The following ME1 variants were observed in gnomAD, a reference collection of about 807,000 sequenced individuals.
ME1 encodes the protein malic enzyme 1.
Under a neutral mutation model 66.4 loss-of-function variants are expected in ME1, and 74 were observed. That is an observed-to-expected ratio of 1.11 (90% CI 0.92 to 1.35). ME1 has a LOEUF of 1.35. Among genes scored for constraint, ME1 ranks in the 40% most tolerant of loss-of-function variants. The pLI is 0.00. For synonymous variants in ME1, 251 were observed against 235.6 expected (o/e 1.07, Z -0.60); for missense variants, 750 against 694.1 (o/e 1.08, Z -0.90).
At chr6:83,311,976 C>G (rs1454754832) in intron 6 of ME1, among the ~76,000 whole-genome samples, 1 of 152,110 alleles carries the variant, frequency 6.6e-6, no homozygotes, top group Admixed American at 6.6e-5. Context: ...AGTGTAGCTG[C>G]CCCAATGAAG....
chr6:83,329,878 T>G (rs575552055), intron 5 of ME1, among the ~76,000 whole-genome samples: 1 of 152,224 alleles, frequency 6.6e-6, no homozygotes, highest in Non-Finnish European at 1.5e-5. Context: ...TGGAGTGCAG[T>G]GGCATGATCA....
In ME1 at chr6:83,323,382, C is replaced by A. The variant is rs925995509; in HGVS notation, c.601-7969G>T. On this transcript the variant is annotated intron_variant, in intron 5 of 13. Coordinates refer to ENST00000369705, the MANE Select transcript of ME1 (RefSeq NM_002395.6). ...GCAAACAGGATAAAGAGTCAATACC[C>A]ATCAGTGTGCTGTATTCAGGAGACT... Among the ~76,000 whole-genome samples the A allele has an allele frequency of 1.3e-5, 2 of 152,036 alleles. 1 individual carries two copies. Among genetic ancestry groups the A allele is most frequent in the East Asian group, 3.9e-4 (2 of 5,186 alleles).
intron 4 of ME1, among the ~76,000 whole-genome samples, chr6:83,347,853 A>C (rs1182939736): frequency 1.3e-5 from 2 of 152,208 alleles, no homozygotes; most frequent in Non-Finnish European, 2.9e-5. Context: ...AAATTAGTTA[A>C]CTGAAAAATC....
At chr6:83,264,377 C>T (rs762639137) in intron 6 of ME1, among the ~76,000 whole-genome samples, 7 of 152,152 alleles carry the variant, frequency 4.6e-5, no homozygotes, top group Non-Finnish European at 8.8e-5. Flanking sequence ...AACACAACAT[C>T]TATTCTGCAG....
chr6:83,318,456 GA>G (rs1768081223), intron 5 of ME1, among the ~76,000 whole-genome samples: 1 of 119,320 alleles, frequency 8.4e-6, no homozygotes, highest in Admixed American at 1.0e-4. Context: ...AAATTTACAA[GA>G]AAAAAACAAA....
At chr6:83,261,624 T>C (rs1279584325) in intron 6 of ME1, among the ~76,000 whole-genome samples, 1 of 152,096 alleles carries the variant, frequency 6.6e-6, no homozygotes, top group Non-Finnish European at 1.5e-5. Context: ...TAGCCTGTTG[T>C]TAAAGTGCGG....
chr6:83,301,171 TG>T (rs200759659), intron 6 of ME1, among the ~76,000 whole-genome samples: 6,947 of 152,096 alleles, frequency 0.046, 519 homozygotes, highest in African/African-American at 0.16. Flanking sequence ...GTTGTGCACA[TG>T]TACCCTAGAA....
chr6:83,357,737 C>T (rs1165779023), intron 3 of ME1, among the ~76,000 whole-genome samples: 1 of 151,524 alleles, frequency 6.6e-6, no homozygotes, highest in African/African-American at 2.4e-5. Context: ...GCTTGCCTAG[C>T]CTCCCAGCCT....
chr6:83,304,262 T>C (rs1247587225), intron 6 of ME1, among the ~76,000 whole-genome samples: 2 of 152,158 alleles, frequency 1.3e-5, no homozygotes, highest in African/African-American at 4.8e-5. Flanking sequence ...ACTTATCACA[T>C]GTACCTGAGA....
At chr6:83,212,890 T>C (rs1789920752) in intron 13 of ME1, among the ~76,000 whole-genome samples, 1 of 152,148 alleles carries the variant, frequency 6.6e-6, no homozygotes, top group South Asian at 2.1e-4. Context: ...TTTCAACTAC[T>C]CAGAGAAAAT....
At position 83,364,898 on chromosome 6, in the gene ME1, C is replaced by T. The variant is rs150386007; in HGVS notation, c.363-12759G>A. ...TTTGATCAGTCCTCCTGAATGAAACCAACTGCCTCCCCTCCCCAAGTTGAT... is the reference window on the plus strand; with the variant it reads ...TTTGATCAGTCCTCCTGAATGAAACTAACTGCCTCCCCTCCCCAAGTTGAT... On this transcript the variant is annotated intron_variant, in intron 3 of 13. Transcript: ENST00000369705. Among the ~76,000 whole-genome samples the T allele has an allele frequency of 8.9e-3, 1,349 of 152,162 alleles. 19 individuals carry two copies. The highest frequency in any genetic ancestry group is 0.03 in the African/African-American group (1,264 of 41,516).
chr6:83,276,520 G>T (rs2128532178), intron 6 of ME1, among the ~76,000 whole-genome samples: 1 of 152,130 alleles, frequency 6.6e-6, no homozygotes, highest in East Asian at 1.9e-4. Flanking sequence ...GATCAAAAGT[G>T]GACAGCTTAT....
chr6:83,275,708 G>A (rs141712960), intron 6 of ME1, among the ~76,000 whole-genome samples: 7,581 of 141,112 alleles, frequency 0.054, 581 homozygotes, highest in African/African-American at 0.17. Context: ...CTCGTGATCC[G>A]CCCGCCTCGG....
intron 2 of ME1, among the ~76,000 whole-genome samples, chr6:83,402,551 G>GTGCTGA (rs1769858301): frequency 6.6e-6 from 1 of 152,176 alleles, no homozygotes; most frequent in East Asian, 1.9e-4. Flanking sequence ...AGGAGTTACT[G>GTGCTGA]TGCTGACTGG....
intron 3 of ME1, among the ~76,000 whole-genome samples, chr6:83,393,846 C>T (rs1485443197): frequency 1.3e-5 from 2 of 151,920 alleles, no homozygotes; most frequent in African/African-American, 4.8e-5. Flanking sequence ...CCAGAGAAGA[C>T]AGTAAGGCAA....
chr6:83,321,381 G>T (rs748126582), intron 5 of ME1, among the ~76,000 whole-genome samples: 30 of 152,112 alleles, frequency 2.0e-4, no homozygotes, highest in Non-Finnish European at 3.8e-4. Context: ...CATCCCTATG[G>T]AGCCCAGCAA....
chr6:83,403,305 T>C (rs1455616520), intron 2 of ME1, among the ~76,000 whole-genome samples: 5 of 152,142 alleles, frequency 3.3e-5, no homozygotes, highest in Non-Finnish European at 5.9e-5. Flanking sequence ...AAAAATACCA[T>C]AGACTAGGTA....
chr6:83,245,882 T>C lies in ME1; in HGVS notation c.815-6246A>G, dbSNP rs545523418. On this transcript the variant is annotated intron_variant, in intron 7 of 13. Coordinates refer to ENST00000369705, the MANE Select transcript of ME1 (RefSeq NM_002395.6). ...TTTTGCATTTTAATATAAAGAAATC[T>C]TACAGGATCTACATATAAATATAGG... Among the ~76,000 whole-genome samples, 505 of 151,938 alleles carry C rather than the reference T, an allele frequency of 3.3e-3. 2 individuals are homozygous for C. The highest frequency in any genetic ancestry group is 0.012 in the African/African-American group (486 of 41,404).
At chr6:83,323,123 C>A (rs1768212696) in intron 5 of ME1, among the ~76,000 whole-genome samples, 1 of 152,122 alleles carries the variant, frequency 6.6e-6, no homozygotes, top group African/African-American at 2.4e-5. Context: ...TTTGTCACCA[C>A]CAGACCTGCC....
Sources: allele counts gnomAD v4.1 joint callset (sites outside exome capture counted in the v4.1 genomes callset), GRCh38; gene constraint gnomAD v4.1.1; transcripts MANE v1.5; gene names NCBI Gene and HGNC (gene_info 2026-07-23, HGNC 2026-07-21).